Variants in GOPC observed in about 807,000 individuals in gnomAD.
GOPC encodes the protein golgi associated PDZ and coiled-coil motif containing.
In GOPC, 32 loss-of-function variants were observed where a neutral mutation model predicts 51.2. The ratio of observed to expected loss-of-function variants is 0.63; its 90% confidence interval spans 0.47 to 0.84. The LOEUF (loss-of-function observed/expected upper bound fraction) is 0.84, where lower values mean the gene tolerates loss of function less well. GOPC is among the 40% of genes least tolerant of loss of function. The probability of loss-of-function intolerance (pLI) is 0.00; values close to 1 mark genes in which losing one functional copy is unlikely to be tolerated. For missense variants in GOPC, 441 were observed against 555.5 expected (o/e 0.79, Z 2.07); for synonymous variants, 190 against 205.1 (o/e 0.93, Z 0.63).
chr6:117,593,673 T>C (rs1033634297), intron 1 of GOPC, among the ~76,000 whole-genome samples: 1 of 152,218 alleles, frequency 6.6e-6, no homozygotes, highest in Non-Finnish European at 1.5e-5. Flanking sequence ...GTTGTGAGAA[T>C]TGGATGAATC....
intron 3 of GOPC, among the ~76,000 whole-genome samples, chr6:117,576,114 T>C (rs1779877902): frequency 6.6e-6 from 1 of 152,126 alleles, no homozygotes; most frequent in South Asian, 2.1e-4. Context: ...AAAATAGATA[T>C]ATTTGAATAC....
intron 1 of GOPC, among the ~76,000 whole-genome samples, chr6:117,579,499 G>A (rs950294023): frequency 2.0e-5 from 3 of 151,902 alleles, no homozygotes; most frequent in South Asian, 2.1e-4. Flanking sequence ...TCAATCCAAC[G>A]AATACTAGCC....
At position 117,575,203 on chromosome 6, in the gene GOPC, C is replaced by T; in HGVS notation, c.624G>A (p.Lys208=). Residue 208 remains lysine, a synonymous_variant, in exon 4 of 9, where the codon AAG becomes AAA. Transcript: ENST00000368498. ...TTCCTGCCAGTTCCTTATCCAAGTACTTGGCAGCTAGTCTCGCCCCATATA... is the reference window on the plus strand; with the variant it reads ...TTCCTGCCAGTTCCTTATCCAAGTATTTGGCAGCTAGTCTCGCCCCATATA... ...AEVYGARLAA[K]YLDKELAGRV... 5 of 1,606,576 alleles carry T rather than the reference C, an allele frequency of 3.1e-6. No homozygotes were observed. The highest frequency in any genetic ancestry group is 4.2e-6 in the Non-Finnish European group (5 of 1,178,144).
At chr6:117,587,382 G>A (rs1780047998) in intron 1 of GOPC, among the ~76,000 whole-genome samples, 1 of 151,962 alleles carries the variant, frequency 6.6e-6, no homozygotes, top group Non-Finnish European at 1.5e-5. Flanking sequence ...AGTAAACCAG[G>A]CATACATAAC....
chr6:117,570,902 G>A lies in GOPC; in HGVS notation c.870C>T (p.Leu290=). ...SQGVGPIRKV[L]LLKEDHEGLG... is the part of the protein sequence containing the mutation. ...GGCCTTCATGATCTTCCTTAAGGAGGAGAACTTTTCTAATTGGACCAACAC... is the reference window on the plus strand; with the variant it reads ...GGCCTTCATGATCTTCCTTAAGGAGAAGAACTTTTCTAATTGGACCAACAC... The change falls in exon 6 of 9, where the codon CTC becomes CTT. Residue 290 remains leucine (L), a synonymous_variant. Coordinates refer to ENST00000368498, the MANE Select transcript of GOPC (RefSeq NM_020399.4). The A allele has an allele frequency of 6.3e-7, 1 of 1,598,830 alleles. No homozygotes were observed. The highest frequency in any genetic ancestry group is 8.5e-7 in the Non-Finnish European group (1 of 1,169,960).
intron 8 of GOPC, among the ~76,000 whole-genome samples, chr6:117,563,748 AAGTT>A (rs1779637800): frequency 6.6e-6 from 1 of 151,794 alleles, no homozygotes; most frequent in African/African-American, 2.4e-5. Flanking sequence ...AAAAAAAAAA[AAGTT>A]AGTTGTATAA....
intron 7 of GOPC, among the ~76,000 whole-genome samples, chr6:117,568,508 T>C (rs974407957): frequency 4.6e-5 from 7 of 152,204 alleles, no homozygotes; most frequent in Non-Finnish European, 7.3e-5. Flanking sequence ...TATCCCACTC[T>C]TTTGCTACTG....
intron 1 of GOPC, among the ~76,000 whole-genome samples, chr6:117,579,465 CAGTA>C (rs1562142767): frequency 6.6e-6 from 1 of 152,030 alleles, no homozygotes; most frequent in Non-Finnish European, 1.5e-5. Flanking sequence ...GAGAAGATGT[CAGTA>C]AGTGAGTTGT....
intron 1 of GOPC, among the ~76,000 whole-genome samples, chr6:117,597,797 C>T (rs1206620699): frequency 2.6e-5 from 4 of 151,950 alleles, no homozygotes; most frequent in Non-Finnish European, 5.9e-5. Flanking sequence ...AAAAGGAAAT[C>T]AGTATCTTGA....
rs774647927 is a variant in GOPC at position 117,575,249 on chromosome 6, A to G, written c.578T>C (p.Ile193Thr). The G allele has an allele frequency of 3.7e-6, 6 of 1,613,718 alleles. No homozygotes were observed. Among genetic ancestry groups the G allele is most frequent in the Non-Finnish European group, 4.2e-6 (5 of 1,179,754 alleles). ...RKENEALRRH[I>T]AVLQAEVYGA... is the part of the protein sequence containing the mutation. ...ATATACTTCAGCCTGGAGAACAGCT[A>G]TATGTCTACGAAGGGCTTCATTCTC... Residue 193 changes from isoleucine (I) to threonine (T), a missense_variant, in exon 4 of 9, where the codon ATA becomes ACA. Physicochemically the swap from Ile to Thr is moderately conservative, Grantham distance 89 (BLOSUM62 -1). Transcript: ENST00000368498.
intron 1 of GOPC, among the ~76,000 whole-genome samples, chr6:117,595,187 T>G (rs186203452): frequency 6.7e-4 from 102 of 152,332 alleles, no homozygotes; most frequent in African/African-American, 2.3e-3. Flanking sequence ...TATTCATTGT[T>G]GCACTATAAG....
rs760331441 is a variant in GOPC, at chr6:117,579,040, C to T, written c.310G>A (p.Glu104Lys). Residue 104 changes from glutamate to lysine, a missense_variant, in exon 2 of 9, where the codon GAA becomes AAA. By Grantham distance (56) the Glu-to-Lys change is moderately conservative. Around this residue, in one of 3 missense-constraint regions of GOPC, gnomAD observed 204 missense variants for 219.8 expected, o/e 0.93. Coordinates refer to ENST00000368498, the MANE Select transcript of GOPC (RefSeq NM_020399.4). ...TTCTCTGCTTGGGTTTCTGTCAGTT[C>T]AGATTTCAGATCCACCAACTGTGCC... Reference protein sequence around the residue: ...LEAQLVDLKSELTETQAEKVV... With the variant: ...LEAQLVDLKSKLTETQAEKVV... 1.0e-5 allele frequency: 16 copies of T among 1,606,862 alleles called. No homozygotes were observed. The highest frequency in any genetic ancestry group is 1.4e-5 in the Non-Finnish European group (16 of 1,177,330).
intron 1 of GOPC, among the ~76,000 whole-genome samples, chr6:117,587,766 A>G (rs1780054936): frequency 1.3e-5 from 2 of 152,092 alleles, no homozygotes; most frequent in Non-Finnish European, 2.9e-5. Context: ...TGATGAGTAA[A>G]ATGTTGGGAT....
intron 1 of GOPC, among the ~76,000 whole-genome samples, chr6:117,587,433 G>A (rs748362988): frequency 1.3e-5 from 2 of 151,894 alleles, no homozygotes; most frequent in African/African-American, 2.4e-5. Context: ...TGAGCCCAGA[G>A]TTTGAGGCCA....
intron 2 of GOPC, among the ~76,000 whole-genome samples, chr6:117,578,507 C>T (rs376418820): frequency 1.4e-4 from 21 of 152,030 alleles, no homozygotes; most frequent in African/African-American, 3.4e-4. Flanking sequence ...TCTAGACTGC[C>T]GGTCTCAGAT....
chr6:117,598,479 G>A lies in GOPC; in HGVS notation c.285+3525C>T, dbSNP rs901793923. Among the ~76,000 whole-genome samples the A allele has an allele frequency of 3.0e-4, 45 of 152,120 alleles. 1 individual carries two copies. The highest frequency in any genetic ancestry group is 9.7e-5 in the African/African-American group (4 of 41,412). ...GTAGGAAGATGTTGGTTAACACAGC[G>A]GTCACCAATGTTTTTGGCATCAGGG... is the stretch of plus-strand genomic sequence containing the variant. On this transcript the variant is annotated intron_variant, in intron 1 of 8. Coordinates refer to ENST00000368498, the MANE Select transcript of GOPC (RefSeq NM_020399.4).
chr6:117,573,836 A>G, intron 4 of GOPC, among the ~76,000 whole-genome samples: 1 of 152,068 alleles, frequency 6.6e-6, no homozygotes, highest in Non-Finnish European at 1.5e-5. Context: ...AAAAACCAGT[A>G]AAAAAAATTT....
chr6:117,602,381 G>C lies in GOPC; in HGVS notation c.-93C>G. ...TGGGACTGAGGGGACCCCCGCGCGC[G>C]CGGGCACACTCCGTCACCTCCCTTC... On this transcript the variant is annotated 5_prime_UTR_variant, in exon 1 of 9. Transcript: ENST00000368498. The C allele has an allele frequency of 7.8e-7, 1 of 1,282,170 alleles. No individual in the cohort carries two copies. Among genetic ancestry groups the C allele is most frequent in the South Asian group, 1.5e-5 (1 of 65,124 alleles). 79.4% of individuals were successfully genotyped at this position (1,282,170 alleles called of 1,614,324 possible). A position where few individuals can be genotyped will look rare whatever the true frequency, so the allele number is the denominator to read the frequency against.
At chr6:117,572,516 T>G (rs973709421) in intron 5 of GOPC, among the ~76,000 whole-genome samples, 2 of 152,196 alleles carry the variant, frequency 1.3e-5, no homozygotes, top group African/African-American at 2.4e-5. Context: ...TCCATGATTA[T>G]CAGGTTAAAG....
Sources: gnomAD v4.1 joint callset for allele counts (sites outside exome capture counted in the v4.1 genomes callset) on GRCh38, gnomAD v4.1.1 for gene constraint, gnomAD v4.1.1 regional missense constraint, MANE v1.5 for transcripts, NCBI Gene and HGNC (gene_info 2026-07-23, HGNC 2026-07-21) for gene names.